PLA2G2C: variants seen among roughly 807,000 people sequenced by gnomAD.
PLA2G2C encodes phospholipase A2 group IIC.
PLA2G2C carries 15 observed loss-of-function variants against 14.3 expected under a neutral mutation model. That is an observed-to-expected ratio of 1.05 (90% CI 0.70 to 1.62). The LOEUF (loss-of-function observed/expected upper bound fraction) is 1.62. Ranked by LOEUF, PLA2G2C falls within the 40% of genes most tolerant of loss-of-function variation. The pLI, the probability that PLA2G2C is intolerant of heterozygous loss-of-function variation, is 0.00. For missense variants in PLA2G2C, 162 were observed against 173.2 expected (o/e 0.94, Z 0.36); for synonymous variants, 79 against 67.7 (o/e 1.17, Z -0.82).
At chr1:20,186,298 A>G (rs1049818066) in intron 1 of PLA2G2C, 62 bp downstream of exon 1, 2 of 152,246 alleles carry the variant, frequency 1.3e-5, no homozygotes, top group Non-Finnish European at 2.9e-5. Context: ...ACCCCGGGAG[A>G]CAGGCGAGGA....
chr1:20,182,085 TAC>T (rs1263264321), intron 1 of PLA2G2C, among the ~76,000 whole-genome samples: 2 of 152,188 alleles, frequency 1.3e-5, no homozygotes, highest in East Asian at 1.9e-4. Flanking sequence ...CAAGGTGAGT[TAC>T]AGTGTTTGAT....
chr1:20,176,609 C>G (rs1488560232), intron 2 of PLA2G2C, among the ~76,000 whole-genome samples: 2 of 152,246 alleles, frequency 1.3e-5, no homozygotes, highest in African/African-American at 4.8e-5. Flanking sequence ...CAGAGGCGGT[C>G]ATCCCTGCGT....
chr1:20,175,872 T>C (rs902869990), intron 2 of PLA2G2C, among the ~76,000 whole-genome samples: 1 of 151,978 alleles, frequency 6.6e-6, no homozygotes, highest in Admixed American at 6.6e-5. Context: ...CTCCGCTGTC[T>C]CATGTCTTTT....
intron 2 of PLA2G2C, 197 bp from the exon 3 acceptor site, chr1:20,175,342 C>T (rs916583890): frequency 1.3e-6 from 1 of 746,310 alleles, no homozygotes. Flanking sequence ...CCCTGTAACA[C>T]AGCTAGTTTT....
intron 1 of PLA2G2C, among the ~76,000 whole-genome samples, chr1:20,178,968 G>T (rs1330805779): frequency 6.6e-6 from 1 of 152,250 alleles, no homozygotes; most frequent in African/African-American, 2.4e-5. Flanking sequence ...GGTACCAGCT[G>T]CTGCTGACGC....
chr1:20,175,489 A>G (rs903072149), intron 2 of PLA2G2C, among the ~76,000 whole-genome samples: 1 of 152,218 alleles, frequency 6.6e-6, no homozygotes, highest in Non-Finnish European at 1.5e-5. Context: ...ATGAATGGCA[A>G]AAGTTCAAAG....
At chr1:20,181,105 A>C (rs2018272083) in intron 1 of PLA2G2C, among the ~76,000 whole-genome samples, 1 of 152,198 alleles carries the variant, frequency 6.6e-6, no homozygotes, top group Non-Finnish European at 1.5e-5. Context: ...AGGGGTTCTG[A>C]GCACTTTACA....
chr1:20,175,341 AC>A, intron 2 of PLA2G2C, 196 bp from the exon 3 acceptor site: 1 of 750,232 alleles, frequency 1.3e-6, no homozygotes, highest in Non-Finnish European at 2.1e-6. Context: ...CCCCTGTAAC[AC>A]AGCTAGTTTT....
At position 20,163,980 on chromosome 1, in the gene PLA2G2C, C is replaced by A. The variant is rs2017914574; in HGVS notation, c.*11G>T. ...CGGATGCTGGATGATGAGAGGGACCCTGTGGTGTCCCTAGCACCAGGGCTT... is the reference window on the plus strand; with the variant it reads ...CGGATGCTGGATGATGAGAGGGACCATGTGGTGTCCCTAGCACCAGGGCTT... On this transcript the variant is annotated 3_prime_UTR_variant, in exon 5 of 5. Coordinates refer to ENST00000679259, the MANE Select transcript of PLA2G2C (RefSeq NM_001367969.2). 2 of 1,609,756 alleles carry A rather than the reference C, an allele frequency of 1.2e-6. No homozygotes were observed. The highest frequency in any genetic ancestry group is 2.2e-5 in the South Asian group (2 of 90,030).
At chr1:20,168,772 T>G (rs1235796202) in intron 4 of PLA2G2C, among the ~76,000 whole-genome samples, 2 of 152,200 alleles carry the variant, frequency 1.3e-5, no homozygotes, top group African/African-American at 4.8e-5. Flanking sequence ...CACATGTATG[T>G]GCATGTGGGC....
intron 1 of PLA2G2C, among the ~76,000 whole-genome samples, chr1:20,179,564 A>G (rs1254394691): frequency 8.7e-6 from 1 of 115,136 alleles, no homozygotes; most frequent in Non-Finnish European, 1.7e-5. Context: ...CCTCTGTGTC[A>G]GCTTCTCCCT....
intron 1 of PLA2G2C, among the ~76,000 whole-genome samples, chr1:20,183,790 G>T (rs1207849596): frequency 3.3e-5 from 5 of 152,234 alleles, no homozygotes; most frequent in Non-Finnish European, 7.3e-5. Flanking sequence ...AGATGAAAAA[G>T]CTGGGGCCCA....
At chr1:20,178,319 G>A (rs1221032257) in intron 1 of PLA2G2C, among the ~76,000 whole-genome samples, 1 of 152,214 alleles carries the variant, frequency 6.6e-6, no homozygotes, top group Non-Finnish European at 1.5e-5. Flanking sequence ...GGTAACGTCA[G>A]GACTTGGAGT....
intron 2 of PLA2G2C, among the ~76,000 whole-genome samples, chr1:20,175,979 G>A (rs1240465653): frequency 1.4e-5 from 2 of 147,640 alleles, no homozygotes; most frequent in South Asian, 2.1e-4. Context: ...GTGTGATCTC[G>A]GCTCACTGCA....
At chr1:20,177,074 C>G (rs1315797043) in intron 2 of PLA2G2C, among the ~76,000 whole-genome samples, 1 of 152,166 alleles carries the variant, frequency 6.6e-6, no homozygotes, top group Admixed American at 6.5e-5. Flanking sequence ...AGTAGTCAAA[C>G]TCCCTTTCTA....
Position 20,177,390 on chromosome 1 carries a change from T to C in PLA2G2C, c.-27A>G, listed in dbSNP as rs191764150. 94 of 683,606 alleles carry C rather than the reference T, an allele frequency of 1.4e-4. No individual in the cohort carries two copies. The highest frequency in any genetic ancestry group is 1.3e-3 in the African/African-American group (74 of 56,372). The allele number at this position is 683,606 out of a possible 1,614,324, so 42.3% of individuals were successfully genotyped here. A position where few individuals can be genotyped will look rare whatever the true frequency, so the allele number is the denominator to read the frequency against. On this transcript the variant is annotated 5_prime_UTR_variant, in exon 2 of 5. Coordinates refer to ENST00000679259, the MANE Select transcript of PLA2G2C (RefSeq NM_001367969.2). ...CCTGAGGAGACCAGGGGGTCTGAGG[T>C]TCTACAGCCACGCCTTCACCTGTGT...
chr1:20,167,429 G>T (rs1454935634), intron 4 of PLA2G2C, among the ~76,000 whole-genome samples: 1 of 152,162 alleles, frequency 6.6e-6, no homozygotes, highest in Non-Finnish European at 1.5e-5. Flanking sequence ...GGAGCCTGGG[G>T]TGCAGCCTCT....
chr1:20,183,693 T>C (rs772906126), intron 1 of PLA2G2C, among the ~76,000 whole-genome samples: 2 of 152,114 alleles, frequency 1.3e-5, no homozygotes, highest in East Asian at 3.9e-4. Context: ...AAGAGGTGGC[T>C]TTTAAGATGG....
intron 4 of PLA2G2C, among the ~76,000 whole-genome samples, chr1:20,168,558 G>A (rs1287813104): frequency 6.6e-6 from 1 of 152,246 alleles, no homozygotes; most frequent in Non-Finnish European, 1.5e-5. Context: ...AGTGGGTAGC[G>A]TGTCAGCGAG....
Sources: gnomAD v4.1 joint callset for allele counts (sites outside exome capture counted in the v4.1 genomes callset) on GRCh38, gnomAD v4.1.1 for gene constraint, MANE v1.5 for transcripts, NCBI Gene and HGNC (gene_info 2026-07-23, HGNC 2026-07-21) for gene names.